Variants in CNTN4 observed in about 807,000 individuals in gnomAD.
CNTN4 encodes the protein contactin 4.
CNTN4 carries 77 observed loss-of-function variants against 122.5 expected under a neutral mutation model. The ratio of observed to expected loss-of-function variants is 0.63; its 90% confidence interval spans 0.52 to 0.76. The LOEUF (loss-of-function observed/expected upper bound fraction) is 0.76. CNTN4 is among the 30% of genes least tolerant of loss of function. The pLI, the probability that CNTN4 is intolerant of heterozygous loss-of-function variation, is 0.00. For synonymous variants in CNTN4, 512 were observed against 447.0 expected (o/e 1.15, Z -1.83); for missense variants, 1,256 against 1,259.1 (o/e 1.00, Z 0.04).
Position 2,921,611 on chromosome 3 carries a change from G to T in CNTN4, c.1208-4018G>T, listed in dbSNP as rs141169622. Among the ~76,000 whole-genome samples, 92 of 152,272 alleles carry T rather than the reference G, an allele frequency of 6.0e-4. 1 individual carries two copies. The highest frequency in any genetic ancestry group is 2.1e-3 in the African/African-American group (88 of 41,560). On this transcript the variant is annotated intron_variant, in intron 12 of 24. Coordinates refer to ENST00000418658, the MANE Select transcript of CNTN4 (RefSeq NM_175607.3). ...AAATGCTGAACTTCCAAAAAAGCTG[G>T]CCTTAATATTCTCCATCAACTGGCA...
At position 2,248,613 on chromosome 3, in the gene CNTN4, A is replaced by G. The variant is rs145991092; in HGVS notation, c.-144-90565A>G. Among the ~76,000 whole-genome samples the G allele has an allele frequency of 3.9e-4, 60 of 152,144 alleles. 1 individual carries two copies. In the East Asian group the frequency reaches 0.011, roughly 29 times the overall value. ...GGTAAACACGATCAATCAAAGCTCT[A>G]CAAGCCTTCTATGGGTTGCTTCCTT... is the stretch of plus-strand genomic sequence containing the variant. On this transcript the variant is annotated intron_variant, in intron 2 of 24. Coordinates refer to ENST00000418658, the MANE Select transcript of CNTN4 (RefSeq NM_175607.3).
At chr3:2,571,185 C>T (rs1330169889) in intron 3 of CNTN4, among the ~76,000 whole-genome samples, 1 of 152,184 alleles carries the variant, frequency 6.6e-6, no homozygotes, top group East Asian at 1.9e-4. Flanking sequence ...CTTGTCTTCA[C>T]TCAGAAGCCA....
intron 7 of CNTN4, among the ~76,000 whole-genome samples, chr3:2,830,542 G>C (rs1306331516): frequency 1.3e-5 from 2 of 152,202 alleles, no homozygotes; most frequent in African/African-American, 4.8e-5. Context: ...TAGAACATAG[G>C]TTGGGACATG....
At chr3:2,256,568 C>A (rs1412289782) in intron 2 of CNTN4, among the ~76,000 whole-genome samples, 4 of 152,146 alleles carry the variant, frequency 2.6e-5, no homozygotes, top group Admixed American at 2.6e-4. Flanking sequence ...CCGAATCCAG[C>A]AGCACATCAA....
chr3:2,537,299 T>TGTAATCCCAGCACTTTGGGAGGCCG (rs1287911184), intron 3 of CNTN4, among the ~76,000 whole-genome samples: 1 of 152,014 alleles, frequency 6.6e-6, no homozygotes, highest in African/African-American at 2.4e-5. Context: ...AGGTATAGCC[T>TGTAATCCCAGCACTTTGGGAGGCCG]AGAGTTGGTG....
chr3:2,369,092 T>G (rs2045530549), intron 3 of CNTN4, among the ~76,000 whole-genome samples: 1 of 152,088 alleles, frequency 6.6e-6, no homozygotes, highest in Admixed American at 6.5e-5. Context: ...CCCGGCTATT[T>G]TTTTCTATTT....
chr3:2,483,540 C>T (rs941794962), intron 3 of CNTN4, among the ~76,000 whole-genome samples: 1 of 152,182 alleles, frequency 6.6e-6, no homozygotes, highest in African/African-American at 2.4e-5. Flanking sequence ...TGTGTTTCCA[C>T]CCAAACTTCA....
intron 14 of CNTN4, among the ~76,000 whole-genome samples, chr3:3,001,162 G>A (rs957186884): frequency 6.6e-6 from 1 of 152,148 alleles, no homozygotes; most frequent in African/African-American, 2.4e-5. Context: ...TAGTGATAAA[G>A]GGGAATGTGG....
At chr3:2,216,524 C>T (rs56290601) in intron 2 of CNTN4, among the ~76,000 whole-genome samples, 21,170 of 151,856 alleles carry the variant, frequency 0.14, 1,854 homozygotes, top group Non-Finnish European at 0.2. Flanking sequence ...ACATGTACCC[C>T]GAACCTAAAA....
chr3:2,290,186 C>T (rs188659936), intron 2 of CNTN4, among the ~76,000 whole-genome samples: 7 of 152,186 alleles, frequency 4.6e-5, no homozygotes, highest in Admixed American at 4.6e-4. Context: ...GAGCATTGAT[C>T]CCAGAAACAG....
chr3:2,708,313 G>T lies in CNTN4; in HGVS notation c.56-27902G>T, dbSNP rs541598035. On this transcript the variant is annotated intron_variant, in intron 4 of 24. Transcript: ENST00000418658. ...ATACAATGGCATTTTAAAAAGAAATGGGGTTTCCAACAAAAAGTAATCATT... is the reference window on the plus strand; with the variant it reads ...ATACAATGGCATTTTAAAAAGAAATTGGGTTTCCAACAAAAAGTAATCATT... Among the ~76,000 whole-genome samples, 11 of 152,162 alleles carry T rather than the reference G, an allele frequency of 7.2e-5. No homozygotes were observed. In the East Asian group the frequency reaches 2.1e-3, roughly 29 times the overall value.
At chr3:2,760,872 T>C (rs980216274) in intron 6 of CNTN4, among the ~76,000 whole-genome samples, 2 of 152,212 alleles carry the variant, frequency 1.3e-5, no homozygotes, top group Non-Finnish European at 2.9e-5. Context: ...TCAGTTCTAT[T>C]GTCTGCAAAC....
At chr3:2,639,260 A>G (rs185148504) in intron 4 of CNTN4, among the ~76,000 whole-genome samples, 113 of 151,932 alleles carry the variant, frequency 7.4e-4, no homozygotes, top group African/African-American at 2.6e-3. Context: ...CTATTCTATG[A>G]TATTTTCTTC....
chr3:2,287,718 GAAGAAGAAGAA>G (rs2041982075), intron 2 of CNTN4, among the ~76,000 whole-genome samples: 804 of 74,678 alleles, frequency 0.011, 10 homozygotes, highest in Middle Eastern at 0.021. Context: ...AGAGGAAGAA[GAAGAAGAAGAA>G]GAAGAAGAAG....
chr3:2,164,354 G>A (rs1574974832), intron 2 of CNTN4, among the ~76,000 whole-genome samples: 1 of 152,166 alleles, frequency 6.6e-6, no homozygotes, highest in East Asian at 1.9e-4. Flanking sequence ...GTAAAAAAGA[G>A]GTTTTATAAG....
chr3:2,369,031 T>C (rs1448300071), intron 3 of CNTN4, among the ~76,000 whole-genome samples: 1 of 152,108 alleles, frequency 6.6e-6, no homozygotes, highest in African/African-American at 2.4e-5. Context: ...TTCAAGTGAT[T>C]CTCCTGCCTC....
chr3:2,655,911 G>A (rs1367567186), intron 4 of CNTN4, among the ~76,000 whole-genome samples: 1 of 152,120 alleles, frequency 6.6e-6, no homozygotes, highest in East Asian at 1.9e-4. Context: ...GGAGGAGGAA[G>A]CTGATTTGTT....
At chr3:2,824,747 C>T (rs148715651) in intron 7 of CNTN4, among the ~76,000 whole-genome samples, 1,890 of 152,230 alleles carry the variant, frequency 0.012, 26 homozygotes, top group Middle Eastern at 0.041. Flanking sequence ...CTGCAACCTC[C>T]GCCTCCTGGG....
At chr3:2,423,656 A>C (rs112769769) in intron 3 of CNTN4, among the ~76,000 whole-genome samples, 1 of 152,084 alleles carries the variant, frequency 6.6e-6, no homozygotes, top group African/African-American at 2.4e-5. Flanking sequence ...TTAAAGTAGA[A>C]GTTTTGATGA....
Sources: gnomAD v4.1 joint callset for allele counts (sites outside exome capture counted in the v4.1 genomes callset) on GRCh38, gnomAD v4.1.1 for gene constraint, MANE v1.5 for transcripts, NCBI Gene and HGNC (gene_info 2026-07-23, HGNC 2026-07-21) for gene names.